Variants in MEGF6 observed in about 807,000 individuals in gnomAD.
MEGF6 encodes the protein multiple EGF like domains 6, also known as multiple epidermal growth factor-like domains protein 6.
Under a neutral mutation model 207.1 loss-of-function variants are expected in MEGF6, and 184 were observed. The ratio of observed to expected loss-of-function variants is 0.89; its 90% CI spans 0.79 to 1.00. The LOEUF (loss-of-function observed/expected upper bound fraction) is 1.00. Among genes scored for constraint, MEGF6 ranks in the 50% least tolerant of loss-of-function variants. The probability of loss-of-function intolerance (pLI) is 0.00; values close to 1 mark genes in which losing one functional copy is unlikely to be tolerated. For missense variants in MEGF6, 2,282 were observed against 2,202.9 expected (o/e 1.04, Z -0.72); for synonymous variants, 1,038 against 910.0 (o/e 1.14, Z -2.53).
intron 4 of MEGF6, among the ~76,000 whole-genome samples, chr1:3,541,423 A>T (rs777998630): frequency 3.9e-5 from 6 of 152,236 alleles, no homozygotes; most frequent in Non-Finnish European, 8.8e-5. Flanking sequence ...AGGCCCTGCC[A>T]TGGGTGGGAC....
intron 4 of MEGF6, among the ~76,000 whole-genome samples, chr1:3,577,048 T>G (rs1643663769): frequency 6.6e-6 from 1 of 150,712 alleles, no homozygotes; most frequent in Non-Finnish European, 1.5e-5. Context: ...CACCTGGCCC[T>G]GCACACCCAG....
intron 8 of MEGF6, 48 bp downstream of exon 8, chr1:3,511,958 G>A: frequency 1.9e-6 from 3 of 1,610,280 alleles, no homozygotes; most frequent in Non-Finnish European, 2.5e-6. Context: ...CTGGGGAGCA[G>A]CATGGCCATC....
chr1:3,622,415 T>C, the MEGF6 span, among the ~76,000 whole-genome samples: 6 of 152,246 alleles, frequency 3.9e-5, no homozygotes, highest in Non-Finnish European at 8.8e-5. Flanking sequence ...CATGTGTAAC[T>C]GTGAGTCAAT....
intron 35 of MEGF6, among the ~76,000 whole-genome samples, chr1:3,491,751 G>T (rs112065045): frequency 1.4e-5 from 2 of 146,274 alleles, no homozygotes; most frequent in Admixed American, 1.4e-4. Context: ...TCCCAACACC[G>T]CTGGGGGGTA....
At chr1:3,548,036 T>C (rs1368140857) in intron 4 of MEGF6, among the ~76,000 whole-genome samples, 2 of 151,920 alleles carry the variant, frequency 1.3e-5, no homozygotes, top group Non-Finnish European at 2.9e-5. Flanking sequence ...TTCAGCCCCC[T>C]GTGCCCCCGC....
At chr1:3,612,120 T>G (rs560902628), upstream of MEGF6, among the ~76,000 whole-genome samples, 2 of 152,300 alleles carry the variant, frequency 1.3e-5, no homozygotes, top group Admixed American at 1.3e-4. Context: ...GCAGCCCGCG[T>G]GCACCCTGGA....
chr1:3,602,490 G>A lies in MEGF6; in HGVS notation c.242C>T (p.Ala81Val), dbSNP rs370620577. The A allele has an allele frequency of 1.3e-4, 202 of 1,613,160 alleles. No individual in the cohort carries two copies. The highest frequency in any genetic ancestry group is 1.5e-4 in the Non-Finnish European group (177 of 1,179,884). The stretch of plus-strand genomic sequence containing the variant: ...CCTCCGCTCATGACCCACGCACCAC[G>A]CCTGCCACCCACAGCCGGCCTTCCA... ...PVWKAGCGWQAWCVGHERRTV... is the reference protein window; with the variant it reads ...PVWKAGCGWQVWCVGHERRTV... Residue 81 changes from alanine (A) to valine (V), a missense_variant, in exon 2 of 37, where the codon GCG becomes GTG. Ala to Val is a moderately conservative substitution (Grantham distance 64). Coordinates refer to ENST00000356575, the MANE Select transcript of MEGF6 (RefSeq NM_001409.4).
intron 4 of MEGF6, among the ~76,000 whole-genome samples, chr1:3,562,921 C>T (rs1446341752): frequency 6.6e-6 from 1 of 152,174 alleles, no homozygotes; most frequent in Non-Finnish European, 1.5e-5. Context: ...GTACACCCAC[C>T]CCCAGGAAGG....
At position 3,573,431 on chromosome 1, in the gene MEGF6, C is replaced by T. The variant is rs556164172; in HGVS notation, c.481+6394G>A. On this transcript the variant is annotated intron_variant, in intron 4 of 36. Coordinates refer to ENST00000356575, the MANE Select transcript of MEGF6 (RefSeq NM_001409.4). This position sits in a 1 kb window ranked among gnomAD's most constrained non-coding sequence, Gnocchi z 5.1. ...CCAAAGGTAAGCACGGGAAACAGTG[C>T]GGGGAGCCTGGAACTACAGCCCAGG... Among the ~76,000 whole-genome samples the T allele has an allele frequency of 3.9e-4, 59 of 152,314 alleles. No individual in the cohort carries two copies. The highest frequency in any genetic ancestry group is 6.5e-4 in the Admixed American group (10 of 15,300).
chr1:3,494,319 T>C (rs1273761910), intron 32 of MEGF6, 52 bp downstream of exon 32: 4 of 1,512,132 alleles, frequency 2.6e-6, no homozygotes, highest in Non-Finnish European at 3.5e-6. Context: ...ACGGGAGGAG[T>C]GGACAGTGGC....
rs569360310 is a variant in MEGF6 at position 3,521,313 on chromosome 1, G to A, written c.604+2811C>T. 3.9e-5 allele frequency among the ~76,000 whole-genome samples: 6 copies of A among 152,170 alleles called. No individual in the cohort carries two copies. The South Asian group carries it at 8.3e-4, about 21-fold the overall frequency. ...GCAGGAAGGTAAGGCAGTGGAGGGCGAAGGGTCCCAAACTCCCCAGGGGCC... is the reference window on the plus strand; with the variant it reads ...GCAGGAAGGTAAGGCAGTGGAGGGCAAAGGGTCCCAAACTCCCCAGGGGCC... On this transcript the variant is annotated intron_variant, in intron 5 of 36. Transcript: ENST00000356575.
chr1:3,567,574 G>A (rs759276757), intron 4 of MEGF6, among the ~76,000 whole-genome samples: 106 of 152,206 alleles, frequency 7.0e-4, no homozygotes, highest in African/African-American at 2.4e-3. Context: ...AGCCAGCACC[G>A]CGCAGCCCTG....
chr1:3,551,376 C>T lies in MEGF6; in HGVS notation c.482-27130G>A, dbSNP rs114945273. Among the ~76,000 whole-genome samples, 728 of 152,238 alleles carry T rather than the reference C, an allele frequency of 4.8e-3. 8 individuals carry two copies. The highest frequency in any genetic ancestry group is 0.017 in the African/African-American group (708 of 41,540). ...GGCCAAAGGGGTGGGATGTGGGGAG[C>T]CTCCACCAGGGGAAACTCTCGCCAA... On this transcript the variant is annotated intron_variant, in intron 4 of 36. Coordinates refer to ENST00000356575, the MANE Select transcript of MEGF6 (RefSeq NM_001409.4).
At chr1:3,595,687 A>G (rs1644052567) in intron 2 of MEGF6, among the ~76,000 whole-genome samples, 1 of 152,184 alleles carries the variant, frequency 6.6e-6, no homozygotes, top group Non-Finnish European at 1.5e-5. Context: ...CTCGTGCTGC[A>G]TGCAACCCGG....
At chr1:3,622,588 G>A in the MEGF6 span, among the ~76,000 whole-genome samples, 1 of 152,228 alleles carries the variant, frequency 6.6e-6, no homozygotes, top group African/African-American at 2.4e-5. Flanking sequence ...GGATGTTGCA[G>A]AAGAGACCCA....
intron 13 of MEGF6, among the ~76,000 whole-genome samples, chr1:3,508,242 C>T (rs918882694): frequency 1.3e-5 from 2 of 152,242 alleles, no homozygotes; most frequent in African/African-American, 4.8e-5. Flanking sequence ...CTTCAGCAGA[C>T]ACCCCTCACT....
At chr1:3,491,081 T>C (rs1177520869) in intron 35 of MEGF6, 122 bp from the exon 36 acceptor site, 11 of 808,170 alleles carry the variant, frequency 1.4e-5, no homozygotes, top group Non-Finnish European at 1.8e-5. Context: ...CACAGTCTCC[T>C]TCCCTTCTCA....
intron 4 of MEGF6, chr1:3,531,139 C>T: frequency 6.5e-7 from 1 of 1,529,634 alleles, no homozygotes; most frequent in Non-Finnish European, 8.8e-7. Flanking sequence ...ACATGGGTAG[C>T]AGCCCCTCCA....
At position 3,595,326 on chromosome 1, in the gene MEGF6, G is replaced by A. The variant is rs548223910; in HGVS notation, c.376+12C>T. 1.9e-5 allele frequency: 30 copies of A among 1,599,818 alleles called. No homozygotes were observed. Among genetic ancestry groups the A allele is most frequent in the Non-Finnish European group, 2.3e-5 (27 of 1,168,710 alleles). Reference sequence around the variant, plus strand: ...GGTGGAGGGAGGGCGGGGAGGCGCAGGCGGCACTCACCCGAGAGGCAGCCC... The same window carrying A: ...GGTGGAGGGAGGGCGGGGAGGCGCAAGCGGCACTCACCCGAGAGGCAGCCC... On this transcript the variant is annotated intron_variant, in intron 3 of 36. Coordinates refer to ENST00000356575, the MANE Select transcript of MEGF6 (RefSeq NM_001409.4).
Sources: allele counts gnomAD v4.1 joint callset (sites outside exome capture counted in the v4.1 genomes callset), GRCh38; gene constraint gnomAD v4.1.1; non-coding constraint Gnocchi (gnomAD v3.1); transcripts MANE v1.5; gene names NCBI Gene and HGNC (gene_info 2026-07-23, HGNC 2026-07-21).